FNDC3A: variants seen among roughly 807,000 people sequenced by gnomAD.
The protein encoded by FNDC3A is fibronectin type-III domain-containing protein 3A.
FNDC3A carries 32 observed loss-of-function variants against 148.9 expected under a neutral mutation model. The observed-to-expected ratio is 0.21, with a 90% CI of 0.16 to 0.29. The LOEUF (loss-of-function observed/expected upper bound fraction) is 0.29, where lower values mean the gene tolerates loss of function less well. Ranked by LOEUF, FNDC3A falls within the 10% of genes least tolerant of loss-of-function variation. FNDC3A has a pLI of 1.00. For synonymous variants in FNDC3A, 472 were observed against 473.6 expected (o/e 1.00, Z 0.04); for missense variants, 1,191 against 1,452.8 (o/e 0.82, Z 2.93).
chr13:49,189,095 A>G (rs764340477), intron 17 of FNDC3A, among the ~76,000 whole-genome samples: 2 of 152,202 alleles, frequency 1.3e-5, no homozygotes, highest in Non-Finnish European at 2.9e-5. Context: ...TCAATAACCA[A>G]AATGAACTTA....
chr13:49,167,325 C>T (rs752739905), intron 9 of FNDC3A, 22 bp downstream of exon 9: 2 of 1,493,378 alleles, frequency 1.3e-6, no homozygotes, highest in Admixed American at 1.8e-5. Context: ...CTACAGATTG[C>T]CTTTATAAGA....
chr13:49,081,597 G>A (rs953337364), intron 3 of FNDC3A, among the ~76,000 whole-genome samples: 4 of 152,108 alleles, frequency 2.6e-5, no homozygotes, highest in Admixed American at 1.3e-4. Context: ...TTATTAGGCC[G>A]TATCTTTTGG....
At chr13:48,996,962 G>C (rs1345645851) in intron 1 of FNDC3A, among the ~76,000 whole-genome samples, 2 of 151,880 alleles carry the variant, frequency 1.3e-5, no homozygotes, top group Admixed American at 6.6e-5. Flanking sequence ...ACTCGGGAGG[G>C]TGAGACAGGA....
At chr13:48,984,300 G>C (rs546585727) in intron 1 of FNDC3A, among the ~76,000 whole-genome samples, 32 of 152,262 alleles carry the variant, frequency 2.1e-4, no homozygotes, top group Non-Finnish European at 4.1e-4. Context: ...AATTCAACAG[G>C]AGTTTTAAAA....
At chr13:49,074,863 AT>A (rs956033996) in intron 2 of FNDC3A, among the ~76,000 whole-genome samples, 15 of 152,292 alleles carry the variant, frequency 9.8e-5, no homozygotes, top group Admixed American at 9.8e-4. Context: ...GGTGGGATTA[AT>A]TTAACACATT....
At position 49,136,598 on chromosome 13, in the gene FNDC3A, G is replaced by A; in HGVS notation, c.757G>A (p.Glu253Lys). ...KGGTQVDTEI[E>K]EKDEETKAFE... is the part of the protein sequence containing the mutation. ...TGGTACACAAGTTGATACAGAAATT[G>A]AAGGTAACTGTTTGAAGTACTGAAC... is the stretch of plus-strand genomic sequence containing the variant. Residue 253 changes from glutamate (E) to lysine (K), a missense_variant, in exon 6 of 26, where the codon GAA (glutamate) becomes AAA (lysine). Around this residue, in one of 3 missense-constraint regions of FNDC3A, gnomAD observed 426 missense variants for 473.2 expected, o/e 0.90. Transcript: ENST00000492622. 6.2e-7 allele frequency: 1 copy of A among 1,611,418 alleles called. No individual in the cohort carries two copies. Among genetic ancestry groups the A allele is most frequent in the Non-Finnish European group, 8.5e-7 (1 of 1,177,854 alleles).
At chr13:49,132,926 A>G (rs1236097086) in intron 5 of FNDC3A, among the ~76,000 whole-genome samples, 1 of 152,186 alleles carries the variant, frequency 6.6e-6, no homozygotes. Flanking sequence ...TTATTTGACT[A>G]TCAACTCCCT....
chr13:49,114,250 G>A (rs1880772831), intron 3 of FNDC3A, among the ~76,000 whole-genome samples: 1 of 151,908 alleles, frequency 6.6e-6, no homozygotes, highest in Non-Finnish European at 1.5e-5. Flanking sequence ...GATTTTATAT[G>A]CAGAGTTTAG....
At position 49,031,098 on chromosome 13, in the gene FNDC3A, T is replaced by TA. The variant is rs1874083407; in HGVS notation, c.99+24810dup. Among the ~76,000 whole-genome samples the TA allele has an allele frequency of 2.6e-5, 4 of 152,208 alleles. No homozygotes were observed. In the South Asian group the frequency reaches 8.3e-4, roughly 31 times the overall value. On this transcript the variant is annotated intron_variant, in intron 2 of 25. Coordinates refer to ENST00000492622, the MANE Select transcript of FNDC3A (RefSeq NM_001079673.2). ...TTCAGTGTTTCTCCATTTTAAAACT[T>TA]ACTGCAGACTGGGTGCAATGGCTCA...
intron 13 of FNDC3A, among the ~76,000 whole-genome samples, chr13:49,176,390 C>A (rs1885032137): frequency 6.6e-6 from 1 of 151,992 alleles, no homozygotes; most frequent in Admixed American, 6.6e-5. Flanking sequence ...GAACAGAGAA[C>A]CAAACACTGC....
chr13:49,068,173 A>T lies in FNDC3A; in HGVS notation c.100-7116A>T, dbSNP rs924661472. Among the ~76,000 whole-genome samples the T allele has an allele frequency of 1.5e-3, 199 of 128,414 alleles. 1 individual carries two copies. Among genetic ancestry groups the T allele is most frequent in the African/African-American group, 4.7e-3 (162 of 34,778 alleles). The allele number at this position is 128,414 out of a possible 152,430, so 84.2% of individuals were successfully genotyped here. On this transcript the variant is annotated intron_variant, in intron 2 of 25. Transcript: ENST00000492622. Reference sequence around the variant, plus strand: ...ACATGGCAAAACCCCGTCTTTATTTAAAAAAAAAAAAAAAGTGTGTAAGTG... The same window carrying T: ...ACATGGCAAAACCCCGTCTTTATTTTAAAAAAAAAAAAAAGTGTGTAAGTG...
intron 1 of FNDC3A, among the ~76,000 whole-genome samples, chr13:48,978,076 A>G (rs1951634614): frequency 6.6e-6 from 1 of 152,210 alleles, no homozygotes; most frequent in Non-Finnish European, 1.5e-5. Flanking sequence ...TAAGCATTAA[A>G]AAAAACATTC....
chr13:49,156,182 T>TG (rs1883665957), intron 8 of FNDC3A, among the ~76,000 whole-genome samples: 1 of 149,292 alleles, frequency 6.7e-6, no homozygotes, highest in African/African-American at 2.5e-5. Flanking sequence ...TCTAAGGACT[T>TG]GCTTTATGAA....
At chr13:49,134,283 T>A (rs1882202408) in intron 5 of FNDC3A, among the ~76,000 whole-genome samples, 1 of 152,228 alleles carries the variant, frequency 6.6e-6, no homozygotes, top group Non-Finnish European at 1.5e-5. Flanking sequence ...AAAAATTTCA[T>A]TAAAATGTTC....
intron 8 of FNDC3A, among the ~76,000 whole-genome samples, chr13:49,164,946 C>G (rs1884373874): frequency 6.6e-6 from 1 of 152,166 alleles, no homozygotes; most frequent in African/African-American, 2.4e-5. Context: ...TGTTTTTAGT[C>G]CTTTGTTGAT....
chr13:49,039,775 C>T (rs558593146), intron 2 of FNDC3A, among the ~76,000 whole-genome samples: 7 of 152,228 alleles, frequency 4.6e-5, no homozygotes, highest in Admixed American at 2.6e-4. Context: ...AGTGCAATGG[C>T]GCAATCTCGG....
At chr13:48,991,701 AAG>A (rs1178818953) in intron 1 of FNDC3A, among the ~76,000 whole-genome samples, 2 of 152,098 alleles carry the variant, frequency 1.3e-5, no homozygotes, top group Non-Finnish European at 2.9e-5. Context: ...AAAAAGAAAA[AAG>A]GAAAAAAAAA....
intron 1 of FNDC3A, among the ~76,000 whole-genome samples, chr13:49,000,230 C>A (rs2137585299): frequency 6.6e-6 from 1 of 152,294 alleles, no homozygotes; most frequent in African/African-American, 2.4e-5. Flanking sequence ...ACATTTGGAT[C>A]TTTAATCCAT....
chr13:49,107,583 G>A lies in FNDC3A; in HGVS notation c.176-7072G>A, dbSNP rs17072713. The stretch of plus-strand genomic sequence containing the variant: ...CTAGTGAAGGAACAATGCTTCTTCT[G>A]CAAATAGAGGAAAGGAATTAGAAAA... On this transcript the variant is annotated intron_variant, in intron 3 of 25. Transcript: ENST00000492622. Among the ~76,000 whole-genome samples, 800 of 152,226 alleles carry A rather than the reference G, an allele frequency of 5.3e-3. 16 individuals are homozygous for A. The East Asian group carries it at 0.066, about 13-fold the overall frequency.
Sources: allele counts gnomAD v4.1 joint callset (sites outside exome capture counted in the v4.1 genomes callset), GRCh38; gene constraint gnomAD v4.1.1; regional missense constraint gnomAD v4.1.1; transcripts MANE v1.5; gene names NCBI Gene and HGNC (gene_info 2026-07-23, HGNC 2026-07-21).